LRBA: variants seen among roughly 807,000 people sequenced by gnomAD.
LRBA encodes the protein lipopolysaccharide-responsive and beige-like anchor protein.
A neutral mutation model predicts 330.0 loss-of-function variants in LRBA; 176 were observed. That is an observed-to-expected ratio of 0.53 (90% CI 0.47 to 0.60). The LOEUF (loss-of-function observed/expected upper bound fraction) is 0.60, where lower values mean the gene tolerates loss of function less well. LRBA is among the 20% of genes least tolerant of loss of function. The probability of loss-of-function intolerance (pLI) is 0.00; values close to 1 mark genes in which losing one functional copy is unlikely to be tolerated. For missense variants in LRBA, 3,259 were observed against 3,444.8 expected (o/e 0.95, Z 1.35); for synonymous variants, 1,230 against 1,193.0 (o/e 1.03, Z -0.64).
chr4:150,987,353 G>A (rs1007323215), intron 2 of LRBA, among the ~76,000 whole-genome samples: 5 of 152,142 alleles, frequency 3.3e-5, no homozygotes, highest in African/African-American at 9.7e-5. Flanking sequence ...CTGAAAATAA[G>A]GTACTTACAG....
intron 37 of LRBA, among the ~76,000 whole-genome samples, chr4:150,658,986 C>T (rs1478584515): frequency 4.3e-5 from 4 of 92,290 alleles, no homozygotes; most frequent in African/African-American, 1.3e-4. Context: ...CCCGAGGTGC[C>T]GGGATTGCAG....
intron 37 of LRBA, among the ~76,000 whole-genome samples, chr4:150,641,054 C>T (rs1265436500): frequency 6.6e-6 from 1 of 152,110 alleles, no homozygotes; most frequent in Non-Finnish European, 1.5e-5. Flanking sequence ...GACTTCCCAT[C>T]ATCATTCCTG....
intron 37 of LRBA, among the ~76,000 whole-genome samples, chr4:150,626,500 T>C (rs369155018): frequency 6.6e-6 from 1 of 152,178 alleles, no homozygotes; most frequent in Non-Finnish European, 1.5e-5. Flanking sequence ...ATCTTCATAC[T>C]CTAGGGGTAC....
chr4:150,444,314 A>G (rs1261891165), intron 44 of LRBA, among the ~76,000 whole-genome samples: 2 of 152,112 alleles, frequency 1.3e-5, no homozygotes, highest in Non-Finnish European at 2.9e-5. Context: ...ATAGAAGCCA[A>G]TGAATTTGAT....
chr4:150,980,436 A>G (rs1713189101), intron 2 of LRBA, among the ~76,000 whole-genome samples: 1 of 152,240 alleles, frequency 6.6e-6, no homozygotes, highest in Non-Finnish European at 1.5e-5. Context: ...GCCCACTATC[A>G]CCACTGTTAT....
At chr4:150,648,347 T>C (rs1779400025) in intron 37 of LRBA, among the ~76,000 whole-genome samples, 1 of 151,744 alleles carries the variant, frequency 6.6e-6, no homozygotes, top group Admixed American at 6.6e-5. Context: ...AGCAAGAGGC[T>C]GACGGATGAA....
At chr4:150,685,936 G>A (rs907012365) in intron 36 of LRBA, among the ~76,000 whole-genome samples, 7 of 152,108 alleles carry the variant, frequency 4.6e-5, no homozygotes, top group African/African-American at 1.7e-4. Context: ...CAGGTAGAAC[G>A]AGTAATAGTC....
intron 40 of LRBA, chr4:150,582,815 G>T (rs1771561210): frequency 4.0e-6 from 2 of 493,954 alleles, no homozygotes; most frequent in Middle Eastern, 5.2e-4. Flanking sequence ...TAATTCTTCT[G>T]CAGAAGAAAA....
intron 33 of LRBA, among the ~76,000 whole-genome samples, chr4:150,802,971 A>G (rs1741885828): frequency 6.7e-6 from 1 of 149,868 alleles, no homozygotes; most frequent in East Asian, 1.9e-4. Context: ...GCAGTGAGCC[A>G]AGATCGCACC....
At chr4:150,969,410 G>A (rs910800639) in intron 2 of LRBA, among the ~76,000 whole-genome samples, 1 of 152,132 alleles carries the variant, frequency 6.6e-6, no homozygotes, top group African/African-American at 2.4e-5. Context: ...ATGGATTCCA[G>A]ACCCCATGGA....
intron 41 of LRBA, among the ~76,000 whole-genome samples, chr4:150,488,348 T>A (rs952599313): frequency 1.3e-4 from 20 of 151,632 alleles, no homozygotes; most frequent in African/African-American, 4.8e-4. Context: ...AAAACAGTCT[T>A]TTTACAATGT....
intron 47 of LRBA, among the ~76,000 whole-genome samples, chr4:150,381,111 A>G (rs1308263508): frequency 6.6e-6 from 1 of 152,074 alleles, no homozygotes; most frequent in Non-Finnish European, 1.5e-5. Context: ...CATGATTTAC[A>G]CTTCAAAACT....
At position 150,836,803 on chromosome 4, in the gene LRBA, A is replaced by G. The variant is rs914867420; in HGVS notation, c.4570-4827T>C. 5.7e-4 allele frequency among the ~76,000 whole-genome samples: 86 copies of G among 151,164 alleles called. 1 individual carries two copies. The highest frequency in any genetic ancestry group is 2.4e-3 in the Admixed American group (37 of 15,182). On this transcript the variant is annotated intron_variant, in intron 28 of 56. Coordinates refer to ENST00000651943, the MANE Select transcript of LRBA (RefSeq NM_001364905.1). ...TTGTGTCTCTATCTCCTTCAGTTCT[A>G]CTCTGATCTTAGTTATTTCTTGCCT...
In LRBA at chr4:150,368,271, G is replaced by A. The variant is rs558702813; in HGVS notation, c.7195-18112C>T. On this transcript the variant is annotated intron_variant, in intron 47 of 56. Transcript: ENST00000651943. Reference sequence around the variant, plus strand: ...AGCTCCAGAAAATGTTCCCATCAGTGGTACTACTTTAACACAAGATTTAAA... The same window carrying A: ...AGCTCCAGAAAATGTTCCCATCAGTAGTACTACTTTAACACAAGATTTAAA... 5.9e-5 allele frequency among the ~76,000 whole-genome samples: 9 copies of A among 151,982 alleles called. No homozygotes were observed. In the East Asian group the frequency reaches 1.5e-3, roughly 26 times the overall value.
At chr4:150,484,277 T>C (rs563080229) in intron 42 of LRBA, among the ~76,000 whole-genome samples, 2 of 152,052 alleles carry the variant, frequency 1.3e-5, no homozygotes, top group African/African-American at 4.8e-5. Flanking sequence ...AAACATTTGA[T>C]AGAATTCATC....
rs879754387 is a variant in LRBA, at chr4:150,267,654, T to TAAAG, written c.8469-1846_8469-1843dup. Among the ~76,000 whole-genome samples, 95 of 152,052 alleles carry TAAAG rather than the reference T, an allele frequency of 6.2e-4. 2 individuals are homozygous for TAAAG. Among genetic ancestry groups the TAAAG allele is most frequent in the African/African-American group, 2.2e-3 (92 of 41,484 alleles). On this transcript the variant is annotated intron_variant, in intron 56 of 56. Transcript: ENST00000651943. ...AGGCTAGGCAGAAGGAAGAAAATAATAAAGAACAGAGTAGAGAGAAATAAA... is the reference window on the plus strand; with the variant it reads ...AGGCTAGGCAGAAGGAAGAAAATAATAAAGAAAGAACAGAGTAGAGAGAAATAAA...
chr4:150,622,087 T>A (rs1776351121), intron 37 of LRBA, among the ~76,000 whole-genome samples: 1 of 152,164 alleles, frequency 6.6e-6, no homozygotes, highest in Admixed American at 6.5e-5. Flanking sequence ...CTGTTGAATG[T>A]CATGGGCTAG....
At chr4:150,639,789 G>A (rs13148325) in intron 37 of LRBA, among the ~76,000 whole-genome samples, 1,232 of 6,344 alleles carry the variant, frequency 0.19, 215 homozygotes, top group Admixed American at 0.52. Flanking sequence ...ATATGTGTGT[G>A]TGTATATATA....
In LRBA at chr4:150,539,871, C is replaced by A. The variant is rs138151275; in HGVS notation, c.6330+48177G>T. Among the ~76,000 whole-genome samples the A allele has an allele frequency of 2.6e-5, 4 of 152,126 alleles. No individual in the cohort carries two copies. In the East Asian group the frequency reaches 7.7e-4, roughly 29 times the overall value. ...TGTATATTTTATCAGAAATAAAATT[C>A]TAGGAATATCTTTTAGAGTATCAGT... On this transcript the variant is annotated intron_variant, in intron 40 of 56. Transcript: ENST00000651943.
Sources: allele counts gnomAD v4.1 joint callset (sites outside exome capture counted in the v4.1 genomes callset), GRCh38; gene constraint gnomAD v4.1.1; transcripts MANE v1.5; gene names NCBI Gene and HGNC (gene_info 2026-07-23, HGNC 2026-07-21).